Variants in CCSER1 observed in about 807,000 individuals in gnomAD.
CCSER1 encodes coiled-coil serine rich protein 1.
A neutral mutation model predicts 82.0 loss-of-function variants in CCSER1; 41 were observed. That is an observed-to-expected ratio of 0.50 (90% CI 0.39 to 0.65). CCSER1 has a LOEUF of 0.65. Ranked by LOEUF, CCSER1 falls within the 30% of genes least tolerant of loss-of-function variation. The pLI is 0.00. For missense variants in CCSER1, 1,119 were observed against 1,064.2 expected (o/e 1.05, Z -0.72); for synonymous variants, 414 against 383.9 (o/e 1.08, Z -0.92).
chr4:90,565,852 G>T (rs538382659), intron 5 of CCSER1, among the ~76,000 whole-genome samples: 2 of 150,374 alleles, frequency 1.3e-5, no homozygotes, highest in Non-Finnish European at 2.9e-5. Context: ...TCACTAGGAT[G>T]AATCCCTCTT....
intron 10 of CCSER1, among the ~76,000 whole-genome samples, chr4:91,467,610 AG>A (rs1438793836): frequency 1.1e-4 from 17 of 152,298 alleles, no homozygotes; most frequent in African/African-American, 3.8e-4. Flanking sequence ...CATCTGACAA[AG>A]GGCTAATATC....
In CCSER1 at chr4:90,393,772, CT is replaced by C. The variant is rs997027362; in HGVS notation, c.1510-6242del. ...GACTTTATACAATAGTTATATCTTC[CT>C]TTTTTTTTTTTTTTTTTTTTTGGGA... On this transcript the variant is annotated intron_variant, in intron 3 of 10. Coordinates refer to ENST00000509176, the MANE Select transcript of CCSER1 (RefSeq NM_001145065.2). Among the ~76,000 whole-genome samples, 256 of 111,304 alleles carry C rather than the reference CT, an allele frequency of 2.3e-3. No homozygotes were observed. The East Asian group carries it at 0.032, about 14-fold the overall frequency. 73.0% of individuals were successfully genotyped at this position (111,304 alleles called of 152,430 possible).
intron 9 of CCSER1, among the ~76,000 whole-genome samples, chr4:91,050,178 C>A (rs1396296728): frequency 6.6e-6 from 1 of 152,202 alleles, no homozygotes. Flanking sequence ...AGCCTGTAGT[C>A]TCAGCACTTT....
At chr4:91,506,193 C>G (rs573640103) in intron 10 of CCSER1, among the ~76,000 whole-genome samples, 7 of 152,172 alleles carry the variant, frequency 4.6e-5, no homozygotes, top group African/African-American at 1.4e-4. Context: ...AATGGGAATT[C>G]TTTCCTCATT....
In CCSER1 at chr4:90,134,432, T is replaced by C. The variant is rs1157552619; in HGVS notation, c.-42+6601T>C. Among the ~76,000 whole-genome samples the C allele has an allele frequency of 8.5e-5, 13 of 152,218 alleles. 1 individual carries two copies. Among genetic ancestry groups the C allele is most frequent in the Admixed American group, 8.5e-4 (13 of 15,284 alleles). On this transcript the variant is annotated intron_variant, in intron 1 of 10. Coordinates refer to ENST00000509176, the MANE Select transcript of CCSER1 (RefSeq NM_001145065.2). ...TGCAAGGCTGGTACTCCCATCTTCTTATTGCTATTTTCAGTGGGGATATTG... is the reference window on the plus strand; with the variant it reads ...TGCAAGGCTGGTACTCCCATCTTCTCATTGCTATTTTCAGTGGGGATATTG...
chr4:91,495,991 C>A (rs1384970208), intron 10 of CCSER1, among the ~76,000 whole-genome samples: 2 of 151,540 alleles, frequency 1.3e-5, no homozygotes, highest in Non-Finnish European at 3.0e-5. Flanking sequence ...TTTTATAAAA[C>A]TTTTACCATG....
At chr4:90,443,147 G>A (rs1384721829) in intron 4 of CCSER1, among the ~76,000 whole-genome samples, 2 of 152,084 alleles carry the variant, frequency 1.3e-5, no homozygotes, top group Non-Finnish European at 2.9e-5. Context: ...CTTTTATGGA[G>A]AGAAGATTAG....
intron 9 of CCSER1, among the ~76,000 whole-genome samples, chr4:91,027,845 C>T (rs1349474103): frequency 6.6e-6 from 1 of 151,992 alleles, no homozygotes; most frequent in Non-Finnish European, 1.5e-5. Flanking sequence ...AAACCACATA[C>T]AAGCCAAATT....
intron 10 of CCSER1, among the ~76,000 whole-genome samples, chr4:91,246,905 G>C (rs1057342444): frequency 6.6e-6 from 1 of 151,694 alleles, no homozygotes; most frequent in African/African-American, 2.4e-5. Context: ...TTGCATTAGG[G>C]CCATACAAAT....
At chr4:91,304,241 A>C (rs2149243852) in intron 10 of CCSER1, among the ~76,000 whole-genome samples, 1 of 152,248 alleles carries the variant, frequency 6.6e-6, no homozygotes, top group South Asian at 2.1e-4. Flanking sequence ...CTAGTTGATT[A>C]AATAGAACTG....
At chr4:90,491,453 T>C (rs1280587340) in intron 5 of CCSER1, among the ~76,000 whole-genome samples, 3 of 152,256 alleles carry the variant, frequency 2.0e-5, no homozygotes, top group East Asian at 1.9e-4. Context: ...ACAATCATGT[T>C]GTCTGCAAAC....
chr4:90,322,117 C>G (rs1247605674), intron 3 of CCSER1, among the ~76,000 whole-genome samples: 2 of 152,022 alleles, frequency 1.3e-5, no homozygotes, highest in Non-Finnish European at 2.9e-5. Flanking sequence ...AGTTTGAGGT[C>G]TTAGATTTAA....
chr4:90,534,438 C>CTT (rs919937396), intron 5 of CCSER1, among the ~76,000 whole-genome samples: 1 of 122,294 alleles, frequency 8.2e-6, no homozygotes, highest in Non-Finnish European at 1.7e-5. Flanking sequence ...CTGTGCCAGC[C>CTT]TTTTGTGTGT....
At chr4:91,467,054 C>T (rs1407836693) in intron 10 of CCSER1, among the ~76,000 whole-genome samples, 1 of 152,260 alleles carries the variant, frequency 6.6e-6, no homozygotes, top group Non-Finnish European at 1.5e-5. Flanking sequence ...CCAAGACAAT[C>T]CTAAGCCAAA....
intron 1 of CCSER1, among the ~76,000 whole-genome samples, chr4:90,268,694 AC>A (rs1290688115): frequency 2.0e-5 from 3 of 152,286 alleles, no homozygotes; most frequent in African/African-American, 7.2e-5. Context: ...GTAAGTCCTT[AC>A]TTATCAATGA....
chr4:91,237,600 G>A (rs1031335813), intron 10 of CCSER1, among the ~76,000 whole-genome samples: 4 of 151,812 alleles, frequency 2.6e-5, no homozygotes, highest in Non-Finnish European at 4.4e-5. Context: ...TAACTCATTC[G>A]TCTCTATTCT....
chr4:90,532,207 C>T (rs1030052598), intron 5 of CCSER1, among the ~76,000 whole-genome samples: 1 of 152,136 alleles, frequency 6.6e-6, no homozygotes, highest in Non-Finnish European at 1.5e-5. Context: ...AAGCTAAACT[C>T]CTTGAGAGAG....
chr4:91,389,559 T>A (rs1410263683), intron 10 of CCSER1, among the ~76,000 whole-genome samples: 1 of 152,084 alleles, frequency 6.6e-6, no homozygotes, highest in Non-Finnish European at 1.5e-5. Context: ...AGTTGGTTAT[T>A]CTGGGTCTTT....
intron 6 of CCSER1, chr4:90,642,036 GC>G (rs1446733475): frequency 7.3e-6 from 2 of 275,416 alleles, no homozygotes; most frequent in Non-Finnish European, 1.6e-5. Context: ...AGAATTTCAA[GC>G]TGCAACATAA....
Sources: gnomAD v4.1 joint callset for allele counts (sites outside exome capture counted in the v4.1 genomes callset) on GRCh38, gnomAD v4.1.1 for gene constraint, MANE v1.5 for transcripts, NCBI Gene and HGNC (gene_info 2026-07-23, HGNC 2026-07-21) for gene names.